Variants in SLC27A6 observed in about 807,000 individuals in gnomAD.
SLC27A6 encodes long-chain fatty acid transport protein 6.
SLC27A6 carries 74 observed loss-of-function variants against 63.9 expected under a neutral mutation model. The observed-to-expected ratio is 1.16, with a 90% CI of 0.96 to 1.40. SLC27A6 has a LOEUF of 1.40. Ranked by LOEUF, SLC27A6 falls within the 40% of genes most tolerant of loss-of-function variation. The probability of loss-of-function intolerance (pLI) is 0.00; values close to 1 mark genes in which losing one functional copy is unlikely to be tolerated. For missense variants in SLC27A6, 794 were observed against 732.9 expected (o/e 1.08, Z -0.96); for synonymous variants, 287 against 260.8 (o/e 1.10, Z -0.97).
intron 4 of SLC27A6, among the ~76,000 whole-genome samples, chr5:129,015,401 C>T (rs993663237): frequency 3.9e-5 from 6 of 152,042 alleles, no homozygotes; most frequent in Admixed American, 1.3e-4. Context: ...TTAAGCACTG[C>T]GTATTAACTA....
At chr5:129,026,841 T>C (rs1249199909) in intron 6 of SLC27A6, among the ~76,000 whole-genome samples, 1 of 152,090 alleles carries the variant, frequency 6.6e-6, no homozygotes, top group African/African-American at 2.4e-5. Flanking sequence ...AAAACAAAAA[T>C]AGCCGTTGGT....
intron 1 of SLC27A6, among the ~76,000 whole-genome samples, chr5:128,971,407 T>G (rs36182790): frequency 0.24 from 36,393 of 151,618 alleles, 4,908 homozygotes; most frequent in Middle Eastern, 0.33. Context: ...CTCTTTGTAG[T>G]TCTCTAAGGA....
intron 1 of SLC27A6, among the ~76,000 whole-genome samples, chr5:128,984,036 C>T (rs561612238): frequency 6.6e-6 from 1 of 152,276 alleles, no homozygotes; most frequent in South Asian, 2.1e-4. Context: ...TCCCTTGAAC[C>T]TTCTAAATGT....
intron 4 of SLC27A6, 80 bp downstream of exon 4, chr5:128,990,544 T>G: frequency 7.3e-7 from 1 of 1,368,118 alleles, no homozygotes. Context: ...TATTTCTTTG[T>G]TTATACTCTA....
intron 1 of SLC27A6, among the ~76,000 whole-genome samples, chr5:128,974,080 A>T (rs1259711946): frequency 6.6e-6 from 1 of 152,176 alleles, no homozygotes; most frequent in Non-Finnish European, 1.5e-5. Flanking sequence ...AAAAATGGAG[A>T]CATTCCAAAG....
At chr5:129,000,293 T>C (rs1319638816) in intron 4 of SLC27A6, among the ~76,000 whole-genome samples, 1 of 152,220 alleles carries the variant, frequency 6.6e-6, no homozygotes, top group African/African-American at 2.4e-5. Context: ...TTTATCTCTC[T>C]TAATCTTCTT....
At chr5:129,032,365 A>T (rs137988489) in intron 9 of SLC27A6, among the ~76,000 whole-genome samples, 1 of 152,194 alleles carries the variant, frequency 6.6e-6, no homozygotes, top group East Asian at 1.9e-4. Context: ...CCTTGGAATT[A>T]GATTGGACTG....
chr5:129,006,920 G>T (rs1751560713), intron 4 of SLC27A6, among the ~76,000 whole-genome samples: 1 of 140,164 alleles, frequency 7.1e-6, no homozygotes, highest in African/African-American at 2.6e-5. Flanking sequence ...AAGTGCAGTT[G>T]AATAGATTTA....
In SLC27A6 at chr5:129,006,071, G is replaced by GTTTTTTTTTTTTTT. The variant is rs4068575; in HGVS notation, c.970-9802_970-9789dup. Among the ~76,000 whole-genome samples, 296 of 60,120 alleles carry GTTTTTTTTTTTTTT rather than the reference G, an allele frequency of 4.9e-3. 62 individuals carry two copies. The highest frequency in any genetic ancestry group is 0.015 in the East Asian group (9 of 614). 39.4% of individuals were successfully genotyped at this position (60,120 alleles called of 152,430 possible). The stretch of plus-strand genomic sequence containing the variant: ...TAAAATTTTCATTCCTGTGCACACT[G>GTTTTTTTTTTTTTT]TTTTTTTTTTTTTTTTTTTTTTTTT... On this transcript the variant is annotated intron_variant, in intron 4 of 9. Transcript: ENST00000262462.
In SLC27A6 at chr5:129,011,962, CATATAG is replaced by C. The variant is rs144046120; in HGVS notation, c.970-3911_970-3906del. Among the ~76,000 whole-genome samples the C allele has an allele frequency of 4.6e-3, 702 of 151,968 alleles. 20 individuals carry two copies. In the East Asian group the frequency reaches 0.065, roughly 14 times the overall value. On this transcript the variant is annotated intron_variant, in intron 4 of 9. Coordinates refer to ENST00000262462, the MANE Select transcript of SLC27A6 (RefSeq NM_001017372.3). ...CCACACAAATACCCTTGAAAAGATACATATAGATATAGATATATCTATATATGGTTA... is the reference window on the plus strand; with the variant it reads ...CCACACAAATACCCTTGAAAAGATACATATAGATATATCTATATATGGTTA...
In SLC27A6 at chr5:128,995,275, T is replaced by C. The variant is rs143125099; in HGVS notation, c.969+4811T>C. Among the ~76,000 whole-genome samples, 804 of 152,320 alleles carry C rather than the reference T, an allele frequency of 5.3e-3. 4 individuals carry two copies. Among genetic ancestry groups the C allele is most frequent in the South Asian group, 7.5e-3 (36 of 4,822 alleles). On this transcript the variant is annotated intron_variant, in intron 4 of 9. Coordinates refer to ENST00000262462, the MANE Select transcript of SLC27A6 (RefSeq NM_001017372.3). Reference sequence around the variant, plus strand: ...CTAACACAGTCAACAGTTAGCCATATCTAGGGATATATCTAGGGATAGACC... The same window carrying C: ...CTAACACAGTCAACAGTTAGCCATACCTAGGGATATATCTAGGGATAGACC...
intron 4 of SLC27A6, among the ~76,000 whole-genome samples, chr5:128,998,157 T>C (rs1751221910): frequency 6.7e-6 from 1 of 149,454 alleles, no homozygotes; most frequent in South Asian, 2.1e-4. Context: ...GGGGTGGTGA[T>C]GTATGCCATT....
At chr5:129,018,987 TAA>T (rs1048064288) in intron 5 of SLC27A6, among the ~76,000 whole-genome samples, 6 of 152,200 alleles carry the variant, frequency 3.9e-5, no homozygotes, top group African/African-American at 1.4e-4. Flanking sequence ...ATCTCATAAT[TAA>T]GAGAGGAGAT....
In SLC27A6 at chr5:128,990,395, C is replaced by G. The variant is rs903621813; in HGVS notation, c.900C>G (p.Cys300Trp). 3 of 1,613,680 alleles carry G rather than the reference C, an allele frequency of 1.9e-6. No homozygotes were observed. Among genetic ancestry groups the G allele is most frequent in the Non-Finnish European group, 2.5e-6 (3 of 1,179,780 alleles). Residue 300 changes from cysteine (C) to tryptophan (W), a missense_variant, in exon 4 of 10, where the codon TGC becomes TGG. Cys to Trp is a radical substitution (Grantham distance 215). Transcript: ENST00000262462. The part of the protein sequence containing the change: ...KFSASQFWSD[C>W]KKYDVTVFQY... ...CAGCAAGCCAGTTTTGGAGTGACTG[C>G]AAGAAGTATGATGTGACTGTGTTTC...
rs763126436 is a variant in SLC27A6 at position 129,033,255 on chromosome 5, A to G, written c.1833A>G (p.Gln611=). 6.3e-7 allele frequency: 1 copy of G among 1,585,096 alleles called. No homozygotes were observed. The highest frequency in any genetic ancestry group is 8.6e-7 in the Non-Finnish European group (1 of 1,164,880). Residue 611 remains glutamine, a synonymous_variant, in exon 10 of 10, where the codon CAA becomes CAG. Transcript: ENST00000262462. ...TACTGACCAGGGAACTTTATGATCA[A>G]ATAATGTTAGGGGAAATAAAACTTT... ...YVLLTRELYD[Q]IMLGEIKL is the part of the protein sequence containing the mutation.
chr5:129,025,460 A>G (rs1374549087), intron 6 of SLC27A6, among the ~76,000 whole-genome samples: 3 of 152,074 alleles, frequency 2.0e-5, no homozygotes, highest in Non-Finnish European at 4.4e-5. Flanking sequence ...ATATATATAT[A>G]TACTCCGACT....
chr5:128,979,125 T>A (rs1007786168), intron 1 of SLC27A6, among the ~76,000 whole-genome samples: 5 of 134,174 alleles, frequency 3.7e-5, no homozygotes, highest in East Asian at 3.9e-4. Context: ...CAATCATTAT[T>A]TTTAACTGCA....
chr5:128,999,511 G>A (rs1204902041), intron 4 of SLC27A6, among the ~76,000 whole-genome samples: 1 of 152,036 alleles, frequency 6.6e-6, no homozygotes, highest in East Asian at 1.9e-4. Context: ...TCAAATTGGT[G>A]TCTCCAATCC....
intron 3 of SLC27A6, among the ~76,000 whole-genome samples, chr5:128,989,533 G>A (rs957958133): frequency 1.3e-5 from 2 of 152,158 alleles, no homozygotes; most frequent in Non-Finnish European, 2.9e-5. Context: ...ATCTTCAGTG[G>A]ACATACATTG....
Sources: allele counts gnomAD v4.1 joint callset (sites outside exome capture counted in the v4.1 genomes callset), GRCh38; gene constraint gnomAD v4.1.1; transcripts MANE v1.5; gene names NCBI Gene and HGNC (gene_info 2026-07-23, HGNC 2026-07-21).